The following OTOGL variants were observed in gnomAD, a reference collection of about 807,000 sequenced individuals.
The protein encoded by OTOGL is otogelin-like protein.
A neutral mutation model predicts 318.5 loss-of-function variants in OTOGL; 285 were observed. That is an observed-to-expected ratio of 0.89 (90% confidence interval 0.81 to 0.99). The LOEUF (loss-of-function observed/expected upper bound fraction) is 0.99. Ranked by LOEUF, OTOGL falls within the 50% of genes least tolerant of loss-of-function variation. The pLI is 0.00. For missense variants in OTOGL, 2,899 were observed against 2,845.6 expected, an observed-to-expected ratio of 1.02 and a Z score of -0.43; for synonymous variants, 987 against 936.5, an observed-to-expected ratio of 1.05 and a Z score of -0.99.
intron 52 of OTOGL, among the ~76,000 whole-genome samples, chr12:80,365,518 T>C (rs184126381): frequency 6.6e-6 from 1 of 152,228 alleles, no homozygotes; most frequent in Admixed American, 6.6e-5. Flanking sequence ...AAAAAACAGG[T>C]ACATATGTTA....
At chr12:80,162,155 A>G (rs751908285) in intron 1 of OTOGL, among the ~76,000 whole-genome samples, 5 of 152,190 alleles carry the variant, frequency 3.3e-5, no homozygotes, top group Non-Finnish European at 7.4e-5. Context: ...TTCTAAGGTG[A>G]TCTGAAAATT....
At chr12:80,296,497 A>AT (rs2137708024) in intron 26 of OTOGL, among the ~76,000 whole-genome samples, 1 of 152,308 alleles carries the variant, frequency 6.6e-6, no homozygotes, top group South Asian at 2.1e-4. Flanking sequence ...TTTTTTAAAG[A>AT]TTTCCCTAAG....
At chr12:80,158,997 G>A (rs1281325287) in intron 1 of OTOGL, among the ~76,000 whole-genome samples, 1 of 151,972 alleles carries the variant, frequency 6.6e-6, no homozygotes, top group East Asian at 1.9e-4. Context: ...ATTACATTGA[G>A]GTATGTCTCT....
chr12:80,287,247 G>A (rs928417693), intron 26 of OTOGL, among the ~76,000 whole-genome samples: 7 of 151,634 alleles, frequency 4.6e-5, no homozygotes, highest in Non-Finnish European at 8.8e-5. Context: ...TTTGATTGCA[G>A]TGTGGTCTGA....
At position 80,209,481 on chromosome 12, in the gene OTOGL, T is replaced by C; in HGVS notation, c.50T>C (p.Leu17Ser). 6.6e-7 allele frequency: 1 copy of C among 1,510,852 alleles called. No individual in the cohort carries two copies. 93.6% of individuals were successfully genotyped at this position (1,510,852 alleles called of 1,614,324 possible). A position where few individuals can be genotyped will look rare whatever the true frequency, so the allele number is the denominator to read the frequency against. ...LNLMIPWSIF[L>S]LHVLLFSLQE... is the part of the protein sequence containing the mutation. ...TTAATGATACCTTGGAGTATATTCT[T>C]GCTTCATGTACTGCTGTTTTCATTA... Residue 17 changes from leucine to serine, a missense_variant, in exon 2 of 59, where the codon TTG becomes TCG. Physicochemically the swap from Leu to Ser is moderately radical, Grantham distance 145. Around this residue, in one of 3 missense-constraint regions of OTOGL, gnomAD observed 2,607 missense variants for 2,524.9 expected, o/e 1.03. Coordinates refer to ENST00000547103, the MANE Select transcript of OTOGL (RefSeq NM_001378609.3).
intron 1 of OTOGL, among the ~76,000 whole-genome samples, chr12:80,118,289 T>C (rs560178769): frequency 6.6e-6 from 1 of 152,320 alleles, no homozygotes; most frequent in Admixed American, 6.5e-5. Flanking sequence ...TACAAATCTA[T>C]GGAAAGGTCT....
intron 1 of OTOGL, among the ~76,000 whole-genome samples, chr12:80,192,407 C>T (rs1186227349): frequency 2.6e-5 from 4 of 152,216 alleles, no homozygotes; most frequent in Non-Finnish European, 5.9e-5. Flanking sequence ...AATTCTCTTC[C>T]AGCTTCTTAT....
chr12:80,120,484 C>T (rs1383436199), intron 1 of OTOGL, among the ~76,000 whole-genome samples: 1 of 151,864 alleles, frequency 6.6e-6, no homozygotes, highest in Non-Finnish European at 1.5e-5. Context: ...ATTCTTGAGC[C>T]CAGATTTTTC....
chr12:80,318,785 A>G, intron 33 of OTOGL, 72 bp downstream of exon 33: 3 of 1,048,784 alleles, frequency 2.9e-6, no homozygotes, highest in Non-Finnish European at 3.7e-6. Flanking sequence ...GTAAATATTA[A>G]TTGAGAATCT....
chr12:80,301,241 A>C (rs1885740159), intron 27 of OTOGL, among the ~76,000 whole-genome samples: 1 of 152,168 alleles, frequency 6.6e-6, no homozygotes, highest in Admixed American at 6.5e-5. Context: ...TTATTATATG[A>C]GTTAATTTCA....
At chr12:80,146,062 C>T (rs1227629296) in intron 1 of OTOGL, among the ~76,000 whole-genome samples, 1 of 150,812 alleles carries the variant, frequency 6.6e-6, no homozygotes, top group African/African-American at 2.5e-5. Flanking sequence ...CTTCTCCTGC[C>T]TAATTGCCCT....
intron 1 of OTOGL, among the ~76,000 whole-genome samples, chr12:80,189,733 A>G (rs192424709): frequency 2.0e-4 from 30 of 152,300 alleles, no homozygotes; most frequent in Middle Eastern, 3.4e-3. Context: ...GAGAATGACT[A>G]TTTGATGCAC....
At chr12:80,117,158 C>G (rs955891451) in intron 1 of OTOGL, among the ~76,000 whole-genome samples, 3 of 152,018 alleles carry the variant, frequency 2.0e-5, no homozygotes, top group African/African-American at 7.3e-5. Flanking sequence ...TCAGGGGTGT[C>G]ATGTAAGTTA....
In OTOGL at chr12:80,278,264, G is replaced by A. The variant is rs757436935; in HGVS notation, c.2778G>A (p.Pro926=). 4.4e-5 allele frequency: 68 copies of A among 1,535,552 alleles called. 1 individual carries two copies. The highest frequency in any genetic ancestry group is 1.7e-4 in the Middle Eastern group (1 of 5,940). The stretch of plus-strand genomic sequence containing the variant: ...TCTCAGGAGAAGTGATTGCTACACC[G>A]TGTTACACCTGGTAAGGAGATCCAT... ...EYLSGEVIAT[P]CYTCVCRRGM... is the part of the protein sequence containing the mutation. Residue 926 remains proline, a synonymous_variant, in exon 25 of 59, where the codon CCG becomes CCA. Coordinates refer to ENST00000547103, the MANE Select transcript of OTOGL (RefSeq NM_001378609.3).
At chr12:80,269,246 C>T (rs549719340) in intron 22 of OTOGL, among the ~76,000 whole-genome samples, 1 of 152,256 alleles carries the variant, frequency 6.6e-6, no homozygotes, top group South Asian at 2.1e-4. Flanking sequence ...TGGTCCAAAG[C>T]TGAAAGAAAA....
chr12:80,288,608 C>T (rs1242776356), intron 26 of OTOGL, among the ~76,000 whole-genome samples: 1 of 151,930 alleles, frequency 6.6e-6, no homozygotes, highest in South Asian at 2.1e-4. Context: ...ATTCTGTTTT[C>T]TCTGATCTTG....
intron 1 of OTOGL, among the ~76,000 whole-genome samples, chr12:80,147,066 C>G (rs904150771): frequency 1.3e-5 from 2 of 150,760 alleles, no homozygotes; most frequent in Admixed American, 1.3e-4. Flanking sequence ...CAGTTCTGCT[C>G]TGATTTTAGT....
chr12:80,332,929 C>A, intron 37 of OTOGL, 76 bp from the exon 38 acceptor site: 1 of 1,206,858 alleles, frequency 8.3e-7, no homozygotes. Context: ...TTTCTTAGCA[C>A]AGTTTCTGTC....
At chr12:80,361,040 TA>T (rs1411279162) in intron 52 of OTOGL, 1 of 152,118 alleles carries the variant, frequency 6.6e-6, no homozygotes, top group Non-Finnish European at 1.5e-5. Context: ...ACATTGTTAC[TA>T]ATGATTGTCA....
Sources: gnomAD v4.1 joint callset for allele counts (sites outside exome capture counted in the v4.1 genomes callset) on GRCh38, gnomAD v4.1.1 for gene constraint, gnomAD v4.1.1 regional missense constraint, MANE v1.5 for transcripts, NCBI Gene and HGNC (gene_info 2026-07-23, HGNC 2026-07-21) for gene names.